Variants in DCHS2 observed in about 807,000 individuals in gnomAD.
DCHS2 encodes protocadherin-23.
Under a neutral mutation model 182.4 loss-of-function variants are expected in DCHS2, and 142 were observed. The ratio of observed to expected loss-of-function variants is 0.78; its 90% CI spans 0.68 to 0.89. The LOEUF is 0.89. DCHS2 is among the 40% of genes least tolerant of loss of function. The probability of loss-of-function intolerance (pLI) is 0.00; values close to 1 mark genes in which losing one functional copy is unlikely to be tolerated. For missense variants in DCHS2, 4,319 were observed against 4,198.6 expected, an observed-to-expected ratio of 1.03 and a Z score of -0.79; for synonymous variants, 1,740 against 1,663.3, an observed-to-expected ratio of 1.05 and a Z score of -1.12.
chr4:154,250,845 G>A (rs1370039203), intron 16 of DCHS2, among the ~76,000 whole-genome samples: 1 of 152,174 alleles, frequency 6.6e-6, no homozygotes, highest in Non-Finnish European at 1.5e-5. Flanking sequence ...GCTTATAGTT[G>A]TATGTAGTTC....
chr4:154,391,813 G>A (rs13106593), intron 1 of DCHS2, among the ~76,000 whole-genome samples: 4,720 of 152,298 alleles, frequency 0.031, 96 homozygotes, highest in Non-Finnish European at 0.047. Context: ...GATGGGCCAC[G>A]TGATGGCCCT....
At chr4:154,373,923 C>G (rs1409220259) in intron 2 of DCHS2, 7 of 1,605,582 alleles carry the variant, frequency 4.4e-6, no homozygotes, top group Non-Finnish European at 6.0e-6. Flanking sequence ...TCCTTACCTT[C>G]ACCAGGGCTA....
At chr4:154,359,460 A>G in intron 3 of DCHS2, among the ~76,000 whole-genome samples, 1 of 152,030 alleles carries the variant, frequency 6.6e-6, no homozygotes, top group East Asian at 1.9e-4. Flanking sequence ...AATCATTACT[A>G]AAATTATAAG....
chr4:154,244,873 A>G (rs1477291156), intron 16 of DCHS2, among the ~76,000 whole-genome samples: 1 of 152,178 alleles, frequency 6.6e-6, no homozygotes, highest in African/African-American at 2.4e-5. Context: ...TATTTTACCA[A>G]AAATAATCAA....
At chr4:154,480,276 C>T (rs1357572394) in intron 1 of DCHS2, among the ~76,000 whole-genome samples, 1 of 152,102 alleles carries the variant, frequency 6.6e-6, no homozygotes, top group African/African-American at 2.4e-5. Context: ...AATATTTAAT[C>T]GCTTGAAATC....
At chr4:154,465,535 G>C (rs1049981126) in intron 1 of DCHS2, among the ~76,000 whole-genome samples, 3 of 152,028 alleles carry the variant, frequency 2.0e-5, no homozygotes, top group Non-Finnish European at 2.9e-5. Flanking sequence ...CAGGCATGGT[G>C]GCGCACCCCT....
At chr4:154,333,940 T>C (rs1288010694) in intron 4 of DCHS2, 3 of 160,868 alleles carry the variant, frequency 1.9e-5, no homozygotes, top group Non-Finnish European at 4.1e-5. Context: ...TGCTGTGCAA[T>C]GTCTTACTTT....
At chr4:154,451,297 C>T (rs929458858) in intron 1 of DCHS2, among the ~76,000 whole-genome samples, 1 of 152,176 alleles carries the variant, frequency 6.6e-6, no homozygotes, top group African/African-American at 2.4e-5. Flanking sequence ...AACTACTCTC[C>T]CTTTTGAGAA....
intron 1 of DCHS2, among the ~76,000 whole-genome samples, chr4:154,487,294 C>T (rs952701502): frequency 9.2e-5 from 14 of 152,168 alleles, no homozygotes; most frequent in African/African-American, 2.9e-4. Flanking sequence ...TCTCAGCCTC[C>T]TTTGCAGTAC....
At chr4:154,240,321 A>AT (rs1324219911) in intron 18 of DCHS2, among the ~76,000 whole-genome samples, 3 of 151,870 alleles carry the variant, frequency 2.0e-5, no homozygotes, top group Admixed American at 1.3e-4. Flanking sequence ...AAAAAAAAAA[A>AT]ATACATATGT....
intron 3 of DCHS2, among the ~76,000 whole-genome samples, chr4:154,351,147 G>A (rs915830172): frequency 6.6e-6 from 1 of 152,206 alleles, no homozygotes; most frequent in African/African-American, 2.4e-5. Flanking sequence ...AGAGGGATTT[G>A]GGGAATGGTG....
intron 1 of DCHS2, among the ~76,000 whole-genome samples, chr4:154,478,893 T>C (rs1160660223): frequency 2.0e-5 from 3 of 152,174 alleles, no homozygotes; most frequent in Non-Finnish European, 4.4e-5. Context: ...CAGAAGAATC[T>C]ACGGTCTCCA....
chr4:154,448,607 C>T (rs896539557), intron 1 of DCHS2, among the ~76,000 whole-genome samples: 4 of 152,304 alleles, frequency 2.6e-5, no homozygotes, highest in African/African-American at 9.6e-5. Context: ...CCCTGACCTC[C>T]ATCCAAGTGA....
intron 1 of DCHS2, among the ~76,000 whole-genome samples, chr4:154,397,183 C>A (rs1731966128): frequency 6.6e-6 from 1 of 152,142 alleles, no homozygotes; most frequent in African/African-American, 2.4e-5. Context: ...CAACATAAGT[C>A]AGCATGGGAA....
rs965041869 is a variant in DCHS2, at chr4:154,282,472, A to G, written c.6464-12459T>C. 3.9e-5 allele frequency among the ~76,000 whole-genome samples: 6 copies of G among 152,084 alleles called. No individual in the cohort carries two copies. The South Asian group carries it at 1.0e-3, about 26-fold the overall frequency. On this transcript the variant is annotated intron_variant, in intron 13 of 19. Transcript: ENST00000357232. ...AACCACAAGATATTACCTTATACCC[A>G]TTAGGATGGCATTTATTTTATATCA...
Position 154,348,969 on chromosome 4 carries a change from T to G in DCHS2, c.2477-13865A>C, listed in dbSNP as rs182527523. Among the ~76,000 whole-genome samples, 159 of 152,160 alleles carry G rather than the reference T, an allele frequency of 1.0e-3. 4 individuals carry two copies. The highest frequency in any genetic ancestry group is 3.7e-3 in the African/African-American group (155 of 41,388). ...ATTACGTTTATGGGCTGTTGATCTT[T>G]TTTGGATTCATTTGCTCATTTGTGA... is the stretch of plus-strand genomic sequence containing the variant. On this transcript the variant is annotated intron_variant, in intron 3 of 19. Coordinates refer to ENST00000357232, the MANE Select transcript of DCHS2 (RefSeq NM_001358235.2).
chr4:154,299,054 A>G (rs969179981), intron 12 of DCHS2, among the ~76,000 whole-genome samples: 2 of 152,218 alleles, frequency 1.3e-5, no homozygotes, highest in Non-Finnish European at 2.9e-5. Context: ...GAGGATGAAG[A>G]TATATGTTTT....
chr4:154,388,513 G>C (rs879360601), intron 1 of DCHS2, among the ~76,000 whole-genome samples: 1 of 31,004 alleles, frequency 3.2e-5, no homozygotes, highest in African/African-American at 1.2e-4. Flanking sequence ...TTTTTTTTTT[G>C]AGATGGAGTC....
At chr4:154,411,508 A>G (rs1732633421) in intron 1 of DCHS2, among the ~76,000 whole-genome samples, 1 of 152,096 alleles carries the variant, frequency 6.6e-6, no homozygotes, top group South Asian at 2.1e-4. Context: ...GAGGCAGAAG[A>G]ATCGCTTGAA....
Sources: gnomAD v4.1 joint callset for allele counts (sites outside exome capture counted in the v4.1 genomes callset) on GRCh38, gnomAD v4.1.1 for gene constraint, MANE v1.5 for transcripts, NCBI Gene and HGNC (gene_info 2026-07-23, HGNC 2026-07-21) for gene names.